PCDHA10: variants seen among roughly 807,000 people sequenced by gnomAD.
The protein encoded by PCDHA10 is protocadherin alpha-10.
In PCDHA10, 45 loss-of-function variants were observed where a neutral mutation model predicts 61.2. That is an observed-to-expected ratio of 0.74 (90% CI 0.58 to 0.94). The LOEUF (loss-of-function observed/expected upper bound fraction) is 0.94, where lower values mean the gene tolerates loss of function less well. Ranked by LOEUF, PCDHA10 falls within the 40% of genes least tolerant of loss-of-function variation. PCDHA10 has a pLI of 0.00. For missense variants in PCDHA10, 1,278 were observed against 1,236.2 expected (o/e 1.03, Z -0.51); for synonymous variants, 602 against 548.8 (o/e 1.10, Z -1.35).
intron 3 of PCDHA10, 112 bp downstream of exon 3, chr5:140,982,675 T>A (rs782533593): frequency 1.3e-4 from 192 of 1,441,664 alleles, no homozygotes; most frequent in Middle Eastern, 9.1e-4. Flanking sequence ...ATTTTTGTTA[T>A]TCCCTTTTTT....
intron 1 of PCDHA10, chr5:140,876,592 G>A (rs1469576623): frequency 1.2e-6 from 2 of 1,614,164 alleles, no homozygotes; most frequent in Middle Eastern, 1.6e-4. Flanking sequence ...CCTGATTAGC[G>A]TGTCGGATCG....
chr5:140,868,879 C>T (rs1247053599), intron 1 of PCDHA10: 1 of 693,900 alleles, frequency 1.4e-6, no homozygotes, highest in Non-Finnish European at 2.3e-6. Context: ...ACAGTACTCA[C>T]AGTTTTAGGC....
intron 3 of PCDHA10, among the ~76,000 whole-genome samples, chr5:140,993,462 TCACACACACACACA>T (rs3836747): frequency 0.028 from 4,017 of 141,026 alleles, 179 homozygotes; most frequent in African/African-American, 0.099. Context: ...TCTTTCTTTC[TCACACACACACACA>T]CACACACACA....
At chr5:140,907,179 G>A (rs1257591299) in intron 1 of PCDHA10, among the ~76,000 whole-genome samples, 2 of 152,160 alleles carry the variant, frequency 1.3e-5, no homozygotes, top group Non-Finnish European at 2.9e-5. Flanking sequence ...CTGATTCAGA[G>A]CATACACAAC....
chr5:140,971,547 C>T (rs904044424), intron 1 of PCDHA10, among the ~76,000 whole-genome samples: 3 of 152,074 alleles, frequency 2.0e-5, no homozygotes, highest in Non-Finnish European at 4.4e-5. Flanking sequence ...GCCAGATCAA[C>T]CTGTTAAATT....
chr5:141,002,157 GGGC>G (rs797024683), intron 3 of PCDHA10, among the ~76,000 whole-genome samples: 4 of 152,372 alleles, frequency 2.6e-5, no homozygotes, highest in African/African-American at 9.6e-5. Flanking sequence ...TTAGCAGAGT[GGGC>G]GGTAGGCAGG....
intron 1 of PCDHA10, among the ~76,000 whole-genome samples, chr5:140,975,318 C>T (rs1554236746): frequency 6.6e-6 from 1 of 152,198 alleles, no homozygotes; most frequent in Admixed American, 6.5e-5. Flanking sequence ...TTATGTCAGT[C>T]CCATCCAGAT....
At chr5:140,945,838 G>A (rs1415502139) in intron 1 of PCDHA10, among the ~76,000 whole-genome samples, 2 of 151,896 alleles carry the variant, frequency 1.3e-5, no homozygotes, top group African/African-American at 4.8e-5. Context: ...AACTCAAAAT[G>A]GATTAAAGAC....
intron 1 of PCDHA10, among the ~76,000 whole-genome samples, chr5:140,959,972 AAAG>A (rs1460302752): frequency 2.0e-5 from 3 of 152,328 alleles, no homozygotes; most frequent in South Asian, 4.1e-4. Flanking sequence ...GATGTTACTG[AAAG>A]AAGAAGTTGG....
At chr5:140,889,231 T>G (rs1456128446) in intron 1 of PCDHA10, among the ~76,000 whole-genome samples, 2 of 151,912 alleles carry the variant, frequency 1.3e-5, no homozygotes, top group Non-Finnish European at 2.9e-5. Flanking sequence ...TTTGAAAACT[T>G]CCAGAAAATT....
At chr5:140,987,119 CAGG>C (rs1258206409) in intron 3 of PCDHA10, among the ~76,000 whole-genome samples, 2 of 151,448 alleles carry the variant, frequency 1.3e-5, no homozygotes, top group Non-Finnish European at 2.9e-5. Flanking sequence ...GAGGCTGAGG[CAGG>C]AGAATTGCTT....
intron 3 of PCDHA10, among the ~76,000 whole-genome samples, chr5:140,985,878 T>C (rs891027308): frequency 6.6e-6 from 1 of 151,706 alleles, no homozygotes; most frequent in Non-Finnish European, 1.5e-5. Flanking sequence ...TAGCTGGGAC[T>C]ACAGGCGCCC....
At chr5:140,927,072 C>A in intron 1 of PCDHA10, 2 of 1,610,790 alleles carry the variant, frequency 1.2e-6, no homozygotes, top group Non-Finnish European at 1.7e-6. Flanking sequence ...TCCTTTCCAG[C>A]CACCGCGAGC....
chr5:140,906,534 A>G (rs7704223), intron 1 of PCDHA10, among the ~76,000 whole-genome samples: 49,309 of 152,142 alleles, frequency 0.32, 8,308 homozygotes, highest in East Asian at 0.53. Flanking sequence ...GACAATTAAA[A>G]TCCTCATTTC....
At chr5:141,005,490 TC>T (rs1451220963) in intron 3 of PCDHA10, among the ~76,000 whole-genome samples, 1 of 151,242 alleles carries the variant, frequency 6.6e-6, no homozygotes. Flanking sequence ...GATCATGAGG[TC>T]AGGAGATCGA....
chr5:140,949,664 A>T (rs2094409163), intron 1 of PCDHA10, among the ~76,000 whole-genome samples: 1 of 151,578 alleles, frequency 6.6e-6, no homozygotes, highest in African/African-American at 2.4e-5. Context: ...TTGTTTCTTT[A>T]AAGTATGCCC....
At chr5:140,928,201 G>C in intron 1 of PCDHA10, 1 of 1,614,242 alleles carries the variant, frequency 6.2e-7, no homozygotes, top group Non-Finnish European at 8.5e-7. Context: ...GTCAGTTGCT[G>C]ATGTGAATGA....
chr5:140,957,222 G>A (rs537549328), intron 1 of PCDHA10, among the ~76,000 whole-genome samples: 1 of 152,182 alleles, frequency 6.6e-6, no homozygotes, highest in East Asian at 1.9e-4. Context: ...AAAATTTGGC[G>A]AAGCATTTTG....
At chr5:140,958,888 A>G (rs1563299951) in intron 1 of PCDHA10, among the ~76,000 whole-genome samples, 3 of 152,040 alleles carry the variant, frequency 2.0e-5, no homozygotes, top group African/African-American at 7.2e-5. Flanking sequence ...ACCAGTAGCT[A>G]TATAATAGAT....
Sources: gnomAD v4.1 joint callset for allele counts (sites outside exome capture counted in the v4.1 genomes callset) on GRCh38, gnomAD v4.1.1 for gene constraint, MANE v1.5 for transcripts, NCBI Gene and HGNC (gene_info 2026-07-23, HGNC 2026-07-21) for gene names.